The following IL1RAPL1 variants were observed in gnomAD, a reference collection of about 807,000 sequenced individuals.
IL1RAPL1 encodes the protein interleukin 1 receptor accessory protein like 1.
IL1RAPL1 carries 3 observed loss-of-function variants against 48.4 expected under a neutral mutation model. That is an observed-to-expected ratio of 0.06 (90% CI 0.03 to 0.16). The LOEUF (loss-of-function observed/expected upper bound fraction) is 0.16, where lower values mean the gene tolerates loss of function less well. IL1RAPL1 is among the 10% of genes least tolerant of loss of function. The pLI, the probability that IL1RAPL1 is intolerant of heterozygous loss-of-function variation, is 1.00. For missense variants in IL1RAPL1, 349 were observed against 530.6 expected (o/e 0.66, Z 3.36); for synonymous variants, 185 against 187.7 (o/e 0.99, Z 0.12).
Position 28,897,006 on chromosome X carries a change from G to A in IL1RAPL1, c.82+107581G>A, listed in dbSNP as rs150370650. Among the ~76,000 whole-genome samples, 234 of 110,942 alleles carry A rather than the reference G, an allele frequency of 2.1e-3. 2 individuals are homozygous for A. In the East Asian group the frequency reaches 0.027, roughly 13 times the overall value. ...GCGGCATTGTAGAAGAAAATAAGGC[G>A]TTTAGGTTTTAAGTCAGGTGTGAGT... On this transcript the variant is annotated intron_variant, in intron 2 of 10. Transcript: ENST00000378993.
intron 1 of IL1RAPL1, among the ~76,000 whole-genome samples, chrX:28,633,983 A>G (rs764838352): frequency 9.0e-6 from 1 of 111,508 alleles, no homozygotes; most frequent in East Asian, 2.8e-4. Context: ...AATACTAAAT[A>G]TTTAAAGATT....
At chrX:29,519,498 C>G (rs1396746976) in intron 5 of IL1RAPL1, among the ~76,000 whole-genome samples, 1 of 111,750 alleles carries the variant, frequency 8.9e-6, no homozygotes, top group African/African-American at 3.3e-5. Context: ...TATGTGTTTA[C>G]TTAGAGCAAG....
intron 6 of IL1RAPL1, among the ~76,000 whole-genome samples, chrX:29,831,034 T>G (rs1380247909): frequency 8.9e-6 from 1 of 111,793 alleles, no homozygotes; most frequent in Non-Finnish European, 1.9e-5. Context: ...AATTTGAATT[T>G]AAAAGGAAAA....
intron 5 of IL1RAPL1, among the ~76,000 whole-genome samples, chrX:29,544,725 G>GA (rs1241037971): frequency 3.0e-5 from 1 of 32,831 alleles, no homozygotes; most frequent in Non-Finnish European, 6.7e-5. Flanking sequence ...TGGAGATGAT[G>GA]TGTGTGTGTG....
At chrX:28,968,185 A>G (rs1021593966) in intron 2 of IL1RAPL1, among the ~76,000 whole-genome samples, 1 of 111,559 alleles carries the variant, frequency 9.0e-6, no homozygotes, top group African/African-American at 3.3e-5. Flanking sequence ...TTGATCTCTA[A>G]GATTATTTTG....
intron 2 of IL1RAPL1, among the ~76,000 whole-genome samples, chrX:29,182,858 G>A (rs374340568): frequency 9.0e-6 from 1 of 111,485 alleles, no homozygotes; most frequent in Non-Finnish European, 1.9e-5. Flanking sequence ...TGGACTCAGT[G>A]TATTCACAGG....
intron 6 of IL1RAPL1, among the ~76,000 whole-genome samples, chrX:29,831,127 T>C (rs961941925): frequency 8.9e-6 from 1 of 111,835 alleles, no homozygotes; most frequent in Admixed American, 9.5e-5. Context: ...AACATAAATA[T>C]TTCTTGGCTG....
At chrX:29,948,645 A>T (rs1326971548) in intron 9 of IL1RAPL1, among the ~76,000 whole-genome samples, 2 of 111,076 alleles carry the variant, frequency 1.8e-5, no homozygotes, top group Non-Finnish European at 3.8e-5. Flanking sequence ...GCAAATTTTT[A>T]ATTATCACAG....
intron 5 of IL1RAPL1, among the ~76,000 whole-genome samples, chrX:29,453,163 T>TCAG: frequency 9.1e-6 from 1 of 109,473 alleles, no homozygotes; most frequent in South Asian, 4.0e-4. Context: ...TGACCTCAAG[T>TCAG]GATCCGCCAC....
intron 2 of IL1RAPL1, among the ~76,000 whole-genome samples, chrX:29,136,861 A>G (rs765012338): frequency 5.4e-5 from 6 of 111,925 alleles, no homozygotes; most frequent in Non-Finnish European, 9.4e-5. Flanking sequence ...TGTTATTATG[A>G]GAAAACTGAG....
intron 5 of IL1RAPL1, among the ~76,000 whole-genome samples, chrX:29,605,071 AACACACACACAC>A (rs757087732): frequency 0.03 from 1,962 of 65,031 alleles, 48 homozygotes; most frequent in East Asian, 0.089. Context: ...CTAAGTCTTA[AACACACACACAC>A]ACACACACAC....
chrX:29,028,014 G>A (rs1041500562), intron 2 of IL1RAPL1, among the ~76,000 whole-genome samples: 1 of 108,378 alleles, frequency 9.2e-6, no homozygotes, highest in African/African-American at 3.4e-5. Flanking sequence ...TGTACAATAT[G>A]ATGTTTTCAA....
intron 2 of IL1RAPL1, among the ~76,000 whole-genome samples, chrX:29,240,122 A>G (rs1931379532): frequency 2.1e-5 from 2 of 97,370 alleles, no homozygotes; most frequent in Admixed American, 1.2e-4. Flanking sequence ...TCTGGGGATT[A>G]GGACATGGAT....
At chrX:29,322,931 C>T (rs1932813983) in intron 3 of IL1RAPL1, among the ~76,000 whole-genome samples, 1 of 111,932 alleles carries the variant, frequency 8.9e-6, no homozygotes. Context: ...CTCAACCTTC[C>T]CCTCTCCTTA....
intron 2 of IL1RAPL1, among the ~76,000 whole-genome samples, chrX:28,981,920 C>T (rs1925352094): frequency 9.0e-6 from 1 of 111,722 alleles, no homozygotes; most frequent in East Asian, 2.8e-4. Flanking sequence ...TACCCCCTCT[C>T]CCATCGCTGC....
chrX:29,122,394 C>T (rs1052227017), intron 2 of IL1RAPL1, among the ~76,000 whole-genome samples: 38 of 92,157 alleles, frequency 4.1e-4, no homozygotes, highest in Non-Finnish European at 2.9e-4. Context: ...CTCTCTCTCT[C>T]TTTCTCTCTC....
intron 5 of IL1RAPL1, among the ~76,000 whole-genome samples, chrX:29,481,935 C>T (rs1247123744): frequency 9.0e-6 from 1 of 111,522 alleles, no homozygotes; most frequent in African/African-American, 3.3e-5. Context: ...GACACAGGAA[C>T]AATTAAATGA....
intron 4 of IL1RAPL1, among the ~76,000 whole-genome samples, chrX:29,398,545 C>T (rs956457046): frequency 9.0e-6 from 1 of 111,622 alleles, no homozygotes; most frequent in Non-Finnish European, 1.9e-5. Flanking sequence ...ACTCTAAAGA[C>T]CTTGCATATA....
At chrX:28,900,277 G>A (rs963669386) in intron 2 of IL1RAPL1, among the ~76,000 whole-genome samples, 4 of 111,754 alleles carry the variant, frequency 3.6e-5, no homozygotes, top group Non-Finnish European at 7.5e-5. Flanking sequence ...CTCTTTCCCC[G>A]CCTTCCTACT....
Sources: gnomAD v4.1 joint callset for allele counts (sites outside exome capture counted in the v4.1 genomes callset) on GRCh38, gnomAD v4.1.1 for gene constraint, MANE v1.5 for transcripts, NCBI Gene and HGNC (gene_info 2026-07-23, HGNC 2026-07-21) for gene names.